The following EHF variants were observed in gnomAD, a reference collection of about 807,000 sequenced individuals.
EHF encodes ESE3 transcription factor.
EHF carries 14 observed loss-of-function variants against 45.1 expected under a neutral mutation model. That is an observed-to-expected ratio of 0.31 (90% confidence interval 0.21 to 0.49). The LOEUF (loss-of-function observed/expected upper bound fraction) is 0.49, where lower values mean the gene tolerates loss of function less well. Among genes scored for constraint, EHF ranks in the 20% least tolerant of loss-of-function variants. The pLI is 0.99. For missense variants in EHF, 282 were observed against 371.4 expected, an observed-to-expected ratio of 0.76 and a Z score of 1.98; for synonymous variants, 136 against 131.8, an observed-to-expected ratio of 1.03 and a Z score of -0.22.
chr11:34,646,908 C>A (rs1029851111), intron 3 of EHF: 2 of 572,000 alleles, frequency 3.5e-6, no homozygotes, highest in Non-Finnish European at 6.0e-6. Context: ...TAATTTAATT[C>A]TTTCCTTATG....
At chr11:34,649,590 G>A (rs1041005747) in intron 4 of EHF, among the ~76,000 whole-genome samples, 1 of 152,188 alleles carries the variant, frequency 6.6e-6, no homozygotes, top group Non-Finnish European at 1.5e-5. Context: ...CTGCAACCCA[G>A]CTCCTGCCTT....
intron 1 of EHF, among the ~76,000 whole-genome samples, chr11:34,622,907 C>T (rs12224573): frequency 0.11 from 17,261 of 152,210 alleles, 1,460 homozygotes; most frequent in East Asian, 0.48. Context: ...TTTGAGGGAA[C>T]AGCTGTGCTG....
chr11:34,646,895 G>A (rs1308225774), intron 3 of EHF: 5 of 596,896 alleles, frequency 8.4e-6, no homozygotes, highest in African/African-American at 1.9e-5. Flanking sequence ...ATAAATGCCA[G>A]TGTAATTTAA....
chr11:34,645,996 T>G (rs974600646), intron 2 of EHF, among the ~76,000 whole-genome samples: 1 of 151,620 alleles, frequency 6.6e-6, no homozygotes, highest in Non-Finnish European at 1.5e-5. Flanking sequence ...TTTCAGGCCT[T>G]ATTTTTAGTT....
chr11:34,647,091 CCA>C (rs796316135), intron 3 of EHF, among the ~76,000 whole-genome samples: 3 of 148,422 alleles, frequency 2.0e-5, no homozygotes, highest in African/African-American at 7.6e-5. Context: ...AAAACCCCCC[CCA>C]CACACACACA....
chr11:34,626,258 T>A (rs1852366919), intron 1 of EHF, among the ~76,000 whole-genome samples: 1 of 152,218 alleles, frequency 6.6e-6, no homozygotes, highest in African/African-American at 2.4e-5. Flanking sequence ...CAGTTGCCTG[T>A]CCAGCCCTTT....
At position 34,660,742 on chromosome 11, in the gene EHF, G is replaced by T. The variant is rs1436534592; in HGVS notation, c.*1811G>T. The T allele has an allele frequency of 6.6e-6, 1 of 152,122 alleles. No homozygotes were observed. Among genetic ancestry groups the T allele is most frequent in the Non-Finnish European group, 1.5e-5 (1 of 68,008 alleles). The allele number at this position is 152,122 out of a possible 1,614,324, so 9.4% of individuals were successfully genotyped here. On this transcript the variant is annotated 3_prime_UTR_variant, in exon 9 of 9. Coordinates refer to ENST00000257831, the MANE Select transcript of EHF (RefSeq NM_012153.6). ...TCTCCAGCAATAATATGCAAATGAA[G>T]ACATGTATCCATAAGAAGGAGTGCT... is the stretch of plus-strand genomic sequence containing the variant.
intron 4 of EHF, 36 bp from the exon 5 acceptor site, chr11:34,651,506 A>C (rs201988979): frequency 1.3e-6 from 2 of 1,574,156 alleles, no homozygotes; most frequent in Admixed American, 3.3e-5. Context: ...TGGGGAAAAG[A>C]GATCGCTGAC....
chr11:34,645,356 C>T (rs286901), intron 2 of EHF, among the ~76,000 whole-genome samples: 151,554 of 152,334 alleles, frequency 0.99, 75,394 homozygotes, highest in Middle Eastern at 1. Flanking sequence ...ATCTTTTAAA[C>T]GTACCTCCCA....
intron 2 of EHF, among the ~76,000 whole-genome samples, chr11:34,646,122 C>T (rs187893261): frequency 9.7e-4 from 145 of 149,610 alleles, no homozygotes; most frequent in Middle Eastern, 6.8e-3. Flanking sequence ...AGGAAGAGAA[C>T]GATTTGGGTA....
chr11:34,652,533 T>C (rs921847938), intron 6 of EHF, among the ~76,000 whole-genome samples: 1 of 152,154 alleles, frequency 6.6e-6, no homozygotes, highest in African/African-American at 2.4e-5. Flanking sequence ...GCGTGTACAG[T>C]GTGGGAAATG....
intron 1 of EHF, among the ~76,000 whole-genome samples, chr11:34,638,861 T>C (rs1853708299): frequency 6.6e-6 from 1 of 151,802 alleles, no homozygotes; most frequent in Admixed American, 6.6e-5. Context: ...CAGGGTGGAG[T>C]CATTCTCACT....
intron 1 of EHF, among the ~76,000 whole-genome samples, chr11:34,633,469 G>T (rs1484424179): frequency 6.6e-6 from 1 of 152,148 alleles, no homozygotes; most frequent in African/African-American, 2.4e-5. Context: ...TCAAGACTTC[G>T]TTAAGGGAGG....
intron 1 of EHF, among the ~76,000 whole-genome samples, chr11:34,629,749 A>G (rs1264309236): frequency 6.6e-6 from 1 of 152,208 alleles, no homozygotes; most frequent in Admixed American, 6.5e-5. Context: ...TTCTCTGGTC[A>G]GTCAGTGATG....
chr11:34,640,146 C>T (rs547033845), intron 1 of EHF, among the ~76,000 whole-genome samples: 10 of 151,846 alleles, frequency 6.6e-5, no homozygotes, highest in South Asian at 2.1e-4. Context: ...AGAATGTTTG[C>T]GGCTAGACAG....
intron 1 of EHF, among the ~76,000 whole-genome samples, chr11:34,641,414 A>G (rs286905): frequency 0.8 from 121,570 of 152,132 alleles, 49,000 homozygotes; most frequent in Middle Eastern, 0.88. Flanking sequence ...TTCTCCCCCA[A>G]TAGGCCTTAC....
intron 1 of EHF, among the ~76,000 whole-genome samples, chr11:34,626,330 C>T (rs1481770755): frequency 6.6e-6 from 1 of 152,144 alleles, no homozygotes; most frequent in African/African-American, 2.4e-5. Context: ...AGAAGAGGGT[C>T]TTCTACTTTT....
chr11:34,640,530 C>A (rs1360408467), intron 1 of EHF, among the ~76,000 whole-genome samples: 1 of 152,190 alleles, frequency 6.6e-6, no homozygotes, highest in Non-Finnish European at 1.5e-5. Flanking sequence ...GCAAACAAGA[C>A]ACTGGGCCCT....
At position 34,656,407 on chromosome 11, in the gene EHF, C is replaced by A. The variant is rs919230237; in HGVS notation, c.545-501C>A. ...TTTCTATTATGCTAAAAAAAAAAAA[C>A]CACAAATTTTTCAATGATCTAAATC... On this transcript the variant is annotated intron_variant, in intron 6 of 8. Coordinates refer to ENST00000257831, the MANE Select transcript of EHF (RefSeq NM_012153.6). Among the ~76,000 whole-genome samples, 86 of 151,518 alleles carry A rather than the reference C, an allele frequency of 5.7e-4. 1 individual carries two copies. The highest frequency in any genetic ancestry group is 7.3e-4 in the African/African-American group (30 of 41,342).
Sources: gnomAD v4.1 joint callset for allele counts (sites outside exome capture counted in the v4.1 genomes callset) on GRCh38, gnomAD v4.1.1 for gene constraint, MANE v1.5 for transcripts, NCBI Gene and HGNC (gene_info 2026-07-23, HGNC 2026-07-21) for gene names.